The following ALDH1B1 variants were observed in gnomAD, a reference collection of about 807,000 sequenced individuals.
ALDH1B1 encodes aldehyde dehydrogenase 1 family member B1.
A neutral mutation model predicts 26.2 loss-of-function variants in ALDH1B1; 19 were observed. The observed-to-expected ratio is 0.72, with a 90% CI of 0.51 to 1.06. ALDH1B1 has a LOEUF of 1.06. Ranked by LOEUF, ALDH1B1 falls within the 50% of genes least tolerant of loss-of-function variation. The probability of loss-of-function intolerance (pLI) is 0.00; values close to 1 mark genes in which losing one functional copy is unlikely to be tolerated. For synonymous variants in ALDH1B1, 249 were observed against 286.0 expected (o/e 0.87, Z 1.31); for missense variants, 671 against 683.1 (o/e 0.98, Z 0.20).
rs772160824 is a variant in ALDH1B1 at position 38,396,563 on chromosome 9, A to G, written c.815A>G (p.Lys272Arg). The change falls in exon 2 of 2, where the codon AAA becomes AGA. Residue 272 changes from lysine to arginine, a missense_variant. Transcript: ENST00000377698. ...GSTEVGHLIQ[K>R]AAGDSNLKRV... ...ACCGAGGTGGGCCACCTGATCCAGA[A>G]AGCAGCTGGCGATTCCAACCTCAAG... 6.2e-7 allele frequency: 1 copy of G among 1,613,940 alleles called. No homozygotes were observed.
At position 38,396,525 on chromosome 9, in the gene ALDH1B1, C is replaced by CT. The variant is rs772132330; in HGVS notation, c.779dup (p.Thr261HisfsTer29). On this transcript the variant is annotated frameshift_variant, in exon 2 of 2. Coordinates refer to ENST00000377698, the MANE Select transcript of ALDH1B1 (RefSeq NM_000692.5). LOFTEE classifies it high-confidence loss of function. ...AGCACGTGGATGTTGACAAAGTTGC[C>CT]TTCACCGGTTCCACCGAGGTGGGCC... 12 of 1,613,768 alleles carry CT rather than the reference C, an allele frequency of 7.4e-6. No individual in the cohort carries two copies. The Admixed American group carries it at 1.8e-4, about 25-fold the overall frequency.
rs746462015 is a variant in ALDH1B1, at chr9:38,397,298, C to T, written c.1550C>T (p.Ser517Leu). Residue 517 changes from serine (S) to leucine (L), a missense_variant, in exon 2 of 2, where the codon TCG (serine) becomes TTG (leucine). Physicochemically the swap from Ser to Leu is moderately radical, Grantham distance 145. Transcript: ENST00000377698. The part of the protein sequence containing the change: ...TVTIKVPQKN[S>L] Reference sequence around the variant, plus strand: ...ACCATCAAGGTTCCTCAGAAGAACTCGTAAGAGCAGCTGTCAGGGAGGCCC... The same window carrying T: ...ACCATCAAGGTTCCTCAGAAGAACTTGTAAGAGCAGCTGTCAGGGAGGCCC... 2.2e-5 allele frequency: 35 copies of T among 1,606,772 alleles called. No individual in the cohort carries two copies. Among genetic ancestry groups the T allele is most frequent in the African/African-American group, 2.7e-5 (2 of 74,912 alleles).
At chr9:38,394,695 A>G (rs531103097) in intron 1 of ALDH1B1, 1 of 971,460 alleles carries the variant, frequency 1.0e-6, no homozygotes, top group East Asian at 1.1e-4. Context: ...GGGTGAAGGG[A>G]CAGGCAGGTG....
rs749293011 is a variant in ALDH1B1, at chr9:38,396,000, G to A, written c.252G>A (p.Arg84=). The A allele has an allele frequency of 3.1e-6, 5 of 1,613,606 alleles. No homozygotes were observed. The highest frequency in any genetic ancestry group is 1.6e-4 in the Middle Eastern group (1 of 6,084). Residue 84 remains arginine, a synonymous_variant, in exon 2 of 2, where the codon CGG becomes CGA. Transcript: ENST00000377698. ...TGGATCGGGCCGTGAAAGCAGCCCGGGAAGCCTTCCGCCTGGGGTCCCCAT... is the reference window on the plus strand; with the variant it reads ...TGGATCGGGCCGTGAAAGCAGCCCGAGAAGCCTTCCGCCTGGGGTCCCCAT... The part of the protein sequence containing the change: ...ADVDRAVKAA[R]EAFRLGSPWR...
Position 38,395,947 on chromosome 9 carries a change from C to T in ALDH1B1, c.199C>T (p.His67Tyr), listed in dbSNP as rs1402870403. The T allele has an allele frequency of 4.3e-6, 7 of 1,613,796 alleles. No homozygotes were observed. Among genetic ancestry groups the T allele is most frequent in the Non-Finnish European group, 5.9e-6 (7 of 1,180,022 alleles). Reference protein sequence around the residue: ...VNPTTGEVIGHVAEGDRADVD... With the variant: ...VNPTTGEVIGYVAEGDRADVD... ...CCCTACCACCGGGGAGGTCATTGGG[C>T]ACGTGGCTGAAGGTGACCGGGCTGA... is the stretch of plus-strand genomic sequence containing the variant. The change falls in exon 2 of 2, where the codon CAC becomes TAC. Residue 67 changes from histidine (H) to tyrosine (Y), a missense_variant. By Grantham distance (83) the His-to-Tyr change is moderately conservative. Coordinates refer to ENST00000377698, the MANE Select transcript of ALDH1B1 (RefSeq NM_000692.5).
chr9:38,394,347 G>C (rs12554439), intron 1 of ALDH1B1: 25,710 of 152,126 alleles, frequency 0.17, 2,709 homozygotes, highest in Non-Finnish European at 0.22. Context: ...GAGTGCAGTG[G>C]CACAATCATG....
rs564057889 is a variant in ALDH1B1, at chr9:38,396,971, A to T, written c.1223A>T (p.Asp408Val). ...CCTACTGTCTTTGGTGGCGTGCAGG[A>T]TGACATGAGAATTGCCAAAGAGGAG... is the stretch of plus-strand genomic sequence containing the variant. ...IKPTVFGGVQ[D>V]DMRIAKEEIF... The change falls in exon 2 of 2, where the codon GAT becomes GTT. Residue 408 changes from aspartate to valine, a missense_variant. Physicochemically the swap from Asp to Val is radical, Grantham distance 152 (BLOSUM62 -3). Coordinates refer to ENST00000377698, the MANE Select transcript of ALDH1B1 (RefSeq NM_000692.5). 4 of 1,613,992 alleles carry T rather than the reference A, an allele frequency of 2.5e-6. No homozygotes were observed. In the African/African-American group the frequency reaches 4.0e-5, roughly 16 times the overall value.
At position 38,396,704 on chromosome 9, in the gene ALDH1B1, G is replaced by A. The variant is rs1821298517; in HGVS notation, c.956G>A (p.Cys319Tyr). 1 of 1,614,104 alleles carries A rather than the reference G, an allele frequency of 6.2e-7. No individual in the cohort carries two copies. The highest frequency in any genetic ancestry group is 1.3e-5 in the African/African-American group (1 of 74,936). Residue 319 changes from cysteine to tyrosine, a missense_variant, in exon 2 of 2, where the codon TGC becomes TAC. By Grantham distance (194) the Cys-to-Tyr change is radical. Transcript: ENST00000377698. ...EALFFNMGQC[C>Y]CAGSRTFVEE... The stretch of plus-strand genomic sequence containing the variant: ...CTGTTCTTCAACATGGGCCAGTGCT[G>A]CTGTGCTGGCTCCCGGACCTTCGTG...
chr9:38,393,885 A>T (rs1159787637), intron 1 of ALDH1B1, among the ~76,000 whole-genome samples: 2 of 150,752 alleles, frequency 1.3e-5, no homozygotes, highest in African/African-American at 4.9e-5. Flanking sequence ...CCACAGTACC[A>T]AGCGTTATCA....
intron 1 of ALDH1B1, chr9:38,394,473 G>T: frequency 2.0e-6 from 1 of 492,492 alleles, no homozygotes; most frequent in African/African-American, 2.1e-5. Context: ...TTGTTTTTTT[G>T]TAGAGACACG....
At position 38,396,712 on chromosome 9, in the gene ALDH1B1, G is replaced by A; in HGVS notation, c.964G>A (p.Gly322Ser). 1 of 1,614,210 alleles carries A rather than the reference G, an allele frequency of 6.2e-7. No homozygotes were observed. The highest frequency in any genetic ancestry group is 1.7e-5 in the Admixed American group (1 of 60,030). Residue 322 changes from glycine to serine, a missense_variant, in exon 2 of 2, where the codon GGC (glycine) becomes AGC (serine). Transcript: ENST00000377698. ...FFNMGQCCCA[G>S]SRTFVEESIY... ...CAACATGGGCCAGTGCTGCTGTGCT[G>A]GCTCCCGGACCTTCGTGGAAGAATC...
Position 38,396,505 on chromosome 9 carries a change from G to A in ALDH1B1, c.757G>A (p.Val253Met), listed in dbSNP as rs4878199. The A allele has an allele frequency of 0.96, 1,541,403 of 1,613,854 alleles. 736,517 individuals carry two copies. The highest frequency in any genetic ancestry group is 1 in the East Asian group (44,833 of 44,834). ...AGCAGGTGCGGCCATCGCCCAGCAC[G>A]TGGATGTTGACAAAGTTGCCTTCAC... is the stretch of plus-strand genomic sequence containing the variant. ...PTAGAAIAQH[V>M]DVDKVAFTGS... The change falls in exon 2 of 2, where the codon GTG (valine) becomes ATG (methionine). Residue 253 changes from valine (V) to methionine (M), a missense_variant. By Grantham distance (21) the Val-to-Met change is conservative (BLOSUM62 1). Transcript: ENST00000377698.
chr9:38,394,115 C>G (rs1045686091), intron 1 of ALDH1B1, among the ~76,000 whole-genome samples: 4 of 152,180 alleles, frequency 2.6e-5, no homozygotes, highest in East Asian at 3.9e-4. Context: ...TAAAGGCTCT[C>G]GTGCCCCTTT....
chr9:38,394,840 A>G (rs186428356), intron 1 of ALDH1B1, among the ~76,000 whole-genome samples: 90 of 152,338 alleles, frequency 5.9e-4, no homozygotes, highest in African/African-American at 2.0e-3. Flanking sequence ...TTTAATATGT[A>G]TTATATGCCG....
rs775323387 is a variant in ALDH1B1, at chr9:38,397,048, G to A, written c.1300G>A (p.Val434Ile). ...CAAGTTCAAGAAGATTGAGGAGGTG[G>A]TTGAGAGGGCCAACAACACCAGGTA... ...LFKFKKIEEV[V>I]ERANNTRYGL... Residue 434 changes from valine to isoleucine, a missense_variant, in exon 2 of 2, where the codon GTT (valine) becomes ATT (isoleucine). Val to Ile is a conservative substitution (Grantham distance 29, BLOSUM62 3). Coordinates refer to ENST00000377698, the MANE Select transcript of ALDH1B1 (RefSeq NM_000692.5). The A allele has an allele frequency of 7.4e-6, 12 of 1,614,206 alleles. No homozygotes were observed. The highest frequency in any genetic ancestry group is 1.0e-5 in the Non-Finnish European group (12 of 1,180,024).
At chr9:38,395,497 G>A (rs1821260761) in intron 1 of ALDH1B1, among the ~76,000 whole-genome samples, 1 of 152,170 alleles carries the variant, frequency 6.6e-6, no homozygotes, top group South Asian at 2.1e-4. Context: ...GGTCAGGGAA[G>A]GCCTTGCTGA....
intron 1 of ALDH1B1, among the ~76,000 whole-genome samples, chr9:38,393,071 G>T (rs1462621338): frequency 6.6e-6 from 1 of 152,204 alleles, no homozygotes; most frequent in African/African-American, 2.4e-5. Context: ...TTCAACAGAG[G>T]GCCCCTGACC....
Position 38,396,945 on chromosome 9 carries a change from G to A in ALDH1B1, c.1197G>A (p.Lys399=), listed in dbSNP as rs774210768. ...TCGGGGAGCGTGGTTTCTTCATCAAGCCTACTGTCTTTGGTGGCGTGCAGG... is the reference window on the plus strand; with the variant it reads ...TCGGGGAGCGTGGTTTCTTCATCAAACCTACTGTCTTTGGTGGCGTGCAGG... ...ERFGERGFFI[K]PTVFGGVQDD... Residue 399 remains lysine, a synonymous_variant, in exon 2 of 2, where the codon AAG becomes AAA. Coordinates refer to ENST00000377698, the MANE Select transcript of ALDH1B1 (RefSeq NM_000692.5). The A allele has an allele frequency of 6.8e-6, 11 of 1,614,160 alleles. No homozygotes were observed. Among genetic ancestry groups the A allele is most frequent in the East Asian group, 4.5e-5 (2 of 44,870 alleles).
rs1323310511 is a variant in ALDH1B1 at position 38,396,653 on chromosome 9, A to G, written c.905A>G (p.His302Arg). The G allele has an allele frequency of 6.2e-7, 1 of 1,614,188 alleles. No homozygotes were observed. Among genetic ancestry groups the G allele is most frequent in the East Asian group, 2.2e-5 (1 of 44,870 alleles). ...GTGCTGGCCGATGCTGACATGGAGC[A>G]TGCCGTGGAGCAGTGCCACGAAGCC... ...SIVLADADME[H>R]AVEQCHEALF... The change falls in exon 2 of 2, where the codon CAT (histidine) becomes CGT (arginine). Residue 302 changes from histidine to arginine, a missense_variant. By Grantham distance (29) the His-to-Arg change is conservative. Coordinates refer to ENST00000377698, the MANE Select transcript of ALDH1B1 (RefSeq NM_000692.5).
Sources: gnomAD v4.1 joint callset for allele counts (sites outside exome capture counted in the v4.1 genomes callset) on GRCh38, gnomAD v4.1.1 for gene constraint, MANE v1.5 for transcripts, NCBI Gene and HGNC (gene_info 2026-07-23, HGNC 2026-07-21) for gene names.